TENT5D: variants seen among roughly 807,000 people sequenced by gnomAD.
The protein encoded by TENT5D is cancer/testis antigen 112.
For missense variants in TENT5D, 191 were observed against 287.0 expected, an observed-to-expected ratio of 0.67 and a Z score of 2.42; for synonymous variants, 103 against 100.6, an observed-to-expected ratio of 1.02 and a Z score of -0.15.
At chrX:80,381,391 A>G (rs1930863336) in intron 3 of TENT5D, among the ~76,000 whole-genome samples, 1 of 110,702 alleles carries the variant, frequency 9.0e-6, no homozygotes, top group Non-Finnish European at 1.9e-5. Context: ...TGCCCTTAAC[A>G]TTTTTTCCAT....
At chrX:80,418,335 A>T, upstream of TENT5D, among the ~76,000 whole-genome samples, 1 of 110,568 alleles carries the variant, frequency 9.0e-6, no homozygotes, top group Middle Eastern at 4.6e-3. Flanking sequence ...ATTTTTTTTC[A>T]AAGACAGGGT....
chrX:80,372,596 A>G (rs1008636010), intron 3 of TENT5D, among the ~76,000 whole-genome samples: 1 of 111,061 alleles, frequency 9.0e-6, no homozygotes, highest in East Asian at 2.9e-4. Context: ...CATAAAAAGT[A>G]TTAGGTTGAG....
chrX:80,430,064 G>C (rs895415358), intron 1 of TENT5D, among the ~76,000 whole-genome samples: 1 of 109,806 alleles, frequency 9.1e-6, no homozygotes, highest in Non-Finnish European at 1.9e-5. Context: ...AGGAGACATG[G>C]TGTTTGTCTC....
chrX:80,341,491 T>G (rs960624587), intron 2 of TENT5D, among the ~76,000 whole-genome samples: 1 of 111,387 alleles, frequency 9.0e-6, no homozygotes, highest in African/African-American at 3.3e-5. Flanking sequence ...AAAATGGCTT[T>G]TATTATGTTC....
intron 1 of TENT5D, among the ~76,000 whole-genome samples, chrX:80,426,738 T>A (rs1011203991): frequency 8.9e-6 from 1 of 112,122 alleles, no homozygotes; most frequent in Admixed American, 9.5e-5. Context: ...TTCTTACAAT[T>A]TTTTAGTAAA....
chrX:80,379,285 C>A (rs184052707), intron 3 of TENT5D, among the ~76,000 whole-genome samples: 107 of 108,968 alleles, frequency 9.8e-4, no homozygotes, highest in Non-Finnish European at 1.6e-3. Flanking sequence ...GCATTGCATC[C>A]CAGGGATTAA....
At chrX:80,400,107 T>A (rs922841655) in intron 3 of TENT5D, among the ~76,000 whole-genome samples, 1 of 111,243 alleles carries the variant, frequency 9.0e-6, no homozygotes, top group Non-Finnish European at 1.9e-5. Context: ...CCAGGGAAGC[T>A]AGCTGATGGT....
chrX:80,417,019 C>A, upstream of TENT5D, among the ~76,000 whole-genome samples: 1 of 111,704 alleles, frequency 9.0e-6, no homozygotes, highest in African/African-American at 3.2e-5. Context: ...ATAGTTAGGT[C>A]TTTTTGTTGA....
In TENT5D at chrX:80,442,647, G is replaced by A. The variant is rs151135944; in HGVS notation, c.108G>A (p.Met36Ile). The A allele has an allele frequency of 3.3e-6, 4 of 1,208,798 alleles. No homozygotes were observed. The African/African-American group carries it at 7.0e-5, about 21-fold the overall frequency. The stretch of plus-strand genomic sequence containing the variant: ...ATGGAAAGGGGAATTTCCCCACAAT[G>A]GAGGTAAAACCAAAAGACATCATTC... Residue 36 changes from methionine to isoleucine, a missense_variant, in exon 3 of 3, where the codon ATG (methionine) becomes ATA (isoleucine). Coordinates refer to ENST00000308293, the Ensembl canonical transcript of TENT5D.
intron 3 of TENT5D, among the ~76,000 whole-genome samples, chrX:80,413,539 T>TG (rs1168946939): frequency 9.0e-6 from 1 of 111,617 alleles, no homozygotes; most frequent in South Asian, 3.7e-4. Context: ...AATTGAATCA[T>TG]GGGGGCTGGT....
At chrX:80,377,852 A>G (rs1053473355) in intron 3 of TENT5D, among the ~76,000 whole-genome samples, 2 of 111,828 alleles carry the variant, frequency 1.8e-5, no homozygotes, top group African/African-American at 6.5e-5. Flanking sequence ...ACTCCCACCA[A>G]CAGTGTAAAA....
At chrX:80,406,003 A>G (rs1313989771) in intron 3 of TENT5D, among the ~76,000 whole-genome samples, 2 of 108,309 alleles carry the variant, frequency 1.8e-5, no homozygotes, top group Non-Finnish European at 3.8e-5. Flanking sequence ...GACACCTCAC[A>G]CGGCAGGGTA....
chrX:80,411,691 A>G (rs949645314), intron 3 of TENT5D, among the ~76,000 whole-genome samples: 1 of 112,619 alleles, frequency 8.9e-6, no homozygotes, highest in African/African-American at 3.2e-5. Context: ...GTAATTAAAA[A>G]AAATTGGAAA....
intron 3 of TENT5D, among the ~76,000 whole-genome samples, chrX:80,409,298 G>A (rs1931581438): frequency 9.1e-6 from 1 of 110,433 alleles, no homozygotes; most frequent in African/African-American, 3.3e-5. Flanking sequence ...AGGAAAAGAG[G>A]AAGTCAAATT....
intron 3 of TENT5D, among the ~76,000 whole-genome samples, chrX:80,352,522 G>A (rs897010813): frequency 1.0e-4 from 11 of 109,805 alleles, no homozygotes; most frequent in Non-Finnish European, 1.9e-4. Context: ...ACCAAGCTCC[G>A]TTGTTCCAGG....
rs750992397 is a variant in TENT5D at position 80,397,149 on chromosome X, C to T, written c.-141-41461C>T. On this transcript the variant is annotated intron_variant, in intron 3 of 4. Transcript: ENST00000538312. ...CTTCTCAGACAGGGTGGCTGCCGGG[C>T]GGAGGGGCTCCTCACTTCTCAGATG... 4.5e-4 allele frequency among the ~76,000 whole-genome samples: 45 copies of T among 100,036 alleles called. 1 individual carries two copies. Among genetic ancestry groups the T allele is most frequent in the East Asian group, 1.0e-3 (3 of 2,901 alleles). 86.9% of individuals were successfully genotyped at this position (100,036 alleles called of 115,157 possible).
chrX:80,429,204 T>G (rs964297193), intron 1 of TENT5D, among the ~76,000 whole-genome samples: 1 of 111,791 alleles, frequency 8.9e-6, no homozygotes, highest in Non-Finnish European at 1.9e-5. Context: ...TTGAGGTGGC[T>G]TTTTTATTGC....
chrX:80,376,718 A>G (rs1930735573), intron 3 of TENT5D, among the ~76,000 whole-genome samples: 1 of 111,468 alleles, frequency 9.0e-6, no homozygotes, highest in Non-Finnish European at 1.9e-5. Flanking sequence ...ATATTCTCTA[A>G]TCAGAAAGTC....
intron 3 of TENT5D, among the ~76,000 whole-genome samples, chrX:80,383,570 AC>A (rs1174155361): frequency 7.1e-5 from 8 of 112,411 alleles, no homozygotes; most frequent in Admixed American, 3.8e-4. Context: ...AAACAGCAAA[AC>A]TTGGGCCGGG....
Sources: gnomAD v4.1 joint callset for allele counts (sites outside exome capture counted in the v4.1 genomes callset) on GRCh38, gnomAD v4.1.1 for gene constraint, MANE v1.5 for transcripts, NCBI Gene and HGNC (gene_info 2026-07-23, HGNC 2026-07-21) for gene names.